The following GPC5 variants were observed in gnomAD, a reference collection of about 807,000 sequenced individuals.
GPC5 encodes glypican 5, also known as glypican-5.
In GPC5, 47 loss-of-function variants were observed where a neutral mutation model predicts 53.9. That is an observed-to-expected ratio of 0.87 (90% confidence interval 0.69 to 1.11). GPC5 has a LOEUF of 1.11. Among genes scored for constraint, GPC5 ranks in the 50% most tolerant of loss-of-function variants. The pLI is 0.00. For synonymous variants in GPC5, 286 were observed against 263.3 expected, an observed-to-expected ratio of 1.09 and a Z score of -0.84; for missense variants, 748 against 713.1, an observed-to-expected ratio of 1.05 and a Z score of -0.56.
intron 7 of GPC5, among the ~76,000 whole-genome samples, chr13:92,592,256 A>G (rs927885010): frequency 6.6e-6 from 1 of 152,206 alleles, no homozygotes; most frequent in Non-Finnish European, 1.5e-5. Context: ...AGAGCCCATA[A>G]GTACCCTGAC....
At chr13:92,536,085 T>C (rs1450265493) in intron 7 of GPC5, among the ~76,000 whole-genome samples, 3 of 152,128 alleles carry the variant, frequency 2.0e-5, no homozygotes, top group African/African-American at 7.2e-5. Flanking sequence ...AGTGTTACAA[T>C]ATATTTGGGT....
intron 7 of GPC5, among the ~76,000 whole-genome samples, chr13:92,801,620 C>CT (rs1478790425): frequency 8.6e-5 from 13 of 151,764 alleles, no homozygotes; most frequent in Non-Finnish European, 1.9e-4. Context: ...AAGGTGACAG[C>CT]TTCCTGTATG....
intron 7 of GPC5, among the ~76,000 whole-genome samples, chr13:92,429,645 A>G (rs549874333): frequency 1.3e-5 from 2 of 151,990 alleles, no homozygotes; most frequent in Admixed American, 6.6e-5. Context: ...TTTTCTATCA[A>G]CCTCTCTGGA....
intron 7 of GPC5, among the ~76,000 whole-genome samples, chr13:92,413,231 C>T (rs1876127452): frequency 6.6e-6 from 1 of 152,150 alleles, no homozygotes; most frequent in African/African-American, 2.4e-5. Flanking sequence ...AGAGTTAACT[C>T]TAAGCCATGC....
intron 7 of GPC5, among the ~76,000 whole-genome samples, chr13:92,378,392 T>C (rs965879551): frequency 6.6e-6 from 1 of 152,224 alleles, no homozygotes; most frequent in Non-Finnish European, 1.5e-5. Flanking sequence ...TTGGAATTAC[T>C]CTTCACATAT....
intron 6 of GPC5, among the ~76,000 whole-genome samples, chr13:92,107,239 C>A (rs2041517344): frequency 6.6e-6 from 1 of 151,934 alleles, no homozygotes; most frequent in Non-Finnish European, 1.5e-5. Context: ...TCAACAAGAC[C>A]CTTCTCTCCC....
chr13:92,419,941 AC>A, intron 7 of GPC5, among the ~76,000 whole-genome samples: 2 of 152,200 alleles, frequency 1.3e-5, no homozygotes, highest in South Asian at 4.1e-4. Flanking sequence ...CTGAAGCCCT[AC>A]CTTTGACCTG....
At chr13:91,827,850 G>C (rs1246670442) in intron 5 of GPC5, among the ~76,000 whole-genome samples, 4 of 151,928 alleles carry the variant, frequency 2.6e-5, no homozygotes, top group Non-Finnish European at 5.9e-5. Flanking sequence ...ATTTACCCAA[G>C]AGAAATTAAA....
chr13:91,481,495 G>A (rs763614885), intron 2 of GPC5, among the ~76,000 whole-genome samples: 85 of 152,096 alleles, frequency 5.6e-4, no homozygotes, highest in Non-Finnish European at 1.0e-3. Flanking sequence ...TATATTGTAC[G>A]ACTGTAAACC....
At chr13:91,521,602 C>T (rs1287243792) in intron 2 of GPC5, among the ~76,000 whole-genome samples, 1 of 152,126 alleles carries the variant, frequency 6.6e-6, no homozygotes, top group Middle Eastern at 3.2e-3. Context: ...TCTAAACAAA[C>T]TCAAAGTGTT....
chr13:91,641,961 G>A (rs2034441253), intron 2 of GPC5, among the ~76,000 whole-genome samples: 1 of 152,144 alleles, frequency 6.6e-6, no homozygotes, highest in African/African-American at 2.4e-5. Flanking sequence ...CTAAAGTCAT[G>A]GAAACAACAT....
intron 7 of GPC5, among the ~76,000 whole-genome samples, chr13:92,647,231 C>G (rs1235002786): frequency 6.6e-6 from 1 of 151,988 alleles, no homozygotes; most frequent in Admixed American, 6.6e-5. Flanking sequence ...TCACAATTTG[C>G]TATTATATTC....
intron 2 of GPC5, among the ~76,000 whole-genome samples, chr13:91,572,336 A>G (rs995094410): frequency 6.6e-6 from 1 of 151,696 alleles, no homozygotes; most frequent in Non-Finnish European, 1.5e-5. Flanking sequence ...CTTCGAGTTA[A>G]AGGACAGTCT....
rs141355991 is a variant in GPC5 at position 91,446,622 on chromosome 13, G to T, written c.164-2139G>T. The stretch of plus-strand genomic sequence containing the variant: ...GATGCCTGTTCTATTTACAATAGGA[G>T]CCTGGGCTTTATATCACCCAAACAT... On this transcript the variant is annotated intron_variant, in intron 1 of 7. Transcript: ENST00000377067. Among the ~76,000 whole-genome samples the T allele has an allele frequency of 6.2e-3, 943 of 152,264 alleles. 9 individuals are homozygous for T. The highest frequency in any genetic ancestry group is 0.021 in the African/African-American group (880 of 41,558).
chr13:91,746,432 G>A (rs914048750), intron 4 of GPC5, among the ~76,000 whole-genome samples: 1 of 152,048 alleles, frequency 6.6e-6, no homozygotes, highest in African/African-American at 2.4e-5. Context: ...GATCCTTCTT[G>A]GATACTTTTC....
At chr13:92,280,833 C>T (rs577575712) in intron 7 of GPC5, among the ~76,000 whole-genome samples, 5 of 152,218 alleles carry the variant, frequency 3.3e-5, no homozygotes, top group East Asian at 1.9e-4. Context: ...ACACAGAAGA[C>T]GGGTAATTTC....
chr13:92,369,664 A>G (rs2043634673), intron 7 of GPC5, among the ~76,000 whole-genome samples: 1 of 152,224 alleles, frequency 6.6e-6, no homozygotes, highest in Admixed American at 6.5e-5. Flanking sequence ...ATAAATGAAT[A>G]AGTGGTAATG....
chr13:92,045,808 G>C (rs1325965405), intron 6 of GPC5, among the ~76,000 whole-genome samples: 1 of 152,120 alleles, frequency 6.6e-6, no homozygotes, highest in Non-Finnish European at 1.5e-5. Context: ...TCCTATTTGG[G>C]TCTTGGGATA....
intron 7 of GPC5, among the ~76,000 whole-genome samples, chr13:92,632,294 T>C (rs1885265197): frequency 6.6e-6 from 1 of 152,114 alleles, no homozygotes; most frequent in Admixed American, 6.6e-5. Flanking sequence ...AGAAATTTCA[T>C]AAGCATCATT....
Sources: allele counts gnomAD v4.1 joint callset (sites outside exome capture counted in the v4.1 genomes callset), GRCh38; gene constraint gnomAD v4.1.1; transcripts MANE v1.5; gene names NCBI Gene and HGNC (gene_info 2026-07-23, HGNC 2026-07-21).